RBFOX1: variants seen among roughly 807,000 people sequenced by gnomAD.
RBFOX1 encodes RNA binding protein fox-1 homolog 1.
Under a neutral mutation model 57.7 loss-of-function variants are expected in RBFOX1, and 8 were observed. The observed-to-expected ratio is 0.14, with a 90% confidence interval of 0.08 to 0.25. The LOEUF is 0.25. Among genes scored for constraint, RBFOX1 ranks in the 10% least tolerant of loss-of-function variants. The probability of loss-of-function intolerance (pLI) is 1.00; values close to 1 mark genes in which losing one functional copy is unlikely to be tolerated. For synonymous variants in RBFOX1, 326 were observed against 222.4 expected, an observed-to-expected ratio of 1.47 and a Z score of -4.15; for missense variants, 611 against 548.5, an observed-to-expected ratio of 1.11 and a Z score of -1.14.
intron 2 of RBFOX1, among the ~76,000 whole-genome samples, chr16:6,410,237 A>G (rs1355921733): frequency 6.6e-6 from 1 of 150,674 alleles, no homozygotes; most frequent in Non-Finnish European, 1.5e-5. Flanking sequence ...TACAGGTACA[A>G]GAAAATAAAT....
At chr16:6,920,847 A>G (rs2074302951) in intron 3 of RBFOX1, among the ~76,000 whole-genome samples, 2 of 152,214 alleles carry the variant, frequency 1.3e-5, no homozygotes, top group South Asian at 4.1e-4. Flanking sequence ...TAACTTAGTT[A>G]CACCACCTGC....
intron 3 of RBFOX1, among the ~76,000 whole-genome samples, chr16:5,813,009 T>A (rs1470063679): frequency 1.6e-5 from 2 of 123,702 alleles, no homozygotes; most frequent in African/African-American, 8.2e-5. Context: ...CTTTAACCAC[T>A]TTTTTTTTTT....
At chr16:5,600,723 T>G (rs1408780636), downstream of RBFOX1, among the ~76,000 whole-genome samples, 1 of 151,988 alleles carries the variant, frequency 6.6e-6, no homozygotes, top group Non-Finnish European at 1.5e-5. Flanking sequence ...ATAAACCTCA[T>G]TAATGGATCA....
At chr16:6,804,238 G>A (rs2086178012) in intron 3 of RBFOX1, among the ~76,000 whole-genome samples, 1 of 151,720 alleles carries the variant, frequency 6.6e-6, no homozygotes, top group Admixed American at 6.6e-5. Flanking sequence ...TCAAACTCCT[G>A]ACCTCTTGAT....
At chr16:5,785,551 G>C (rs956195489) in intron 3 of RBFOX1, among the ~76,000 whole-genome samples, 2 of 151,268 alleles carry the variant, frequency 1.3e-5, no homozygotes, top group Non-Finnish European at 2.9e-5. Context: ...TTTTGAGGCG[G>C]AGTTTCACTC....
At chr16:6,338,544 A>G (rs533507849) in intron 2 of RBFOX1, among the ~76,000 whole-genome samples, 3 of 152,238 alleles carry the variant, frequency 2.0e-5, no homozygotes, top group African/African-American at 7.2e-5. Flanking sequence ...ACAGTTGAGC[A>G]CTGGGACTAA....
intron 1 of RBFOX1, among the ~76,000 whole-genome samples, chr16:6,244,472 T>C (rs2097557993): frequency 6.6e-6 from 1 of 152,120 alleles, no homozygotes; most frequent in Admixed American, 6.5e-5. Context: ...TACAGTTGGG[T>C]ATCCAAGTTT....
chr16:5,250,450 G>A (rs1456056999), intron 1 of RBFOX1, among the ~76,000 whole-genome samples: 5 of 152,092 alleles, frequency 3.3e-5, no homozygotes, highest in Non-Finnish European at 5.9e-5. Context: ...AGGCCCTGGT[G>A]TATGTTGTTC....
At chr16:5,240,318 C>G (rs2062132586) in intron 1 of RBFOX1, among the ~76,000 whole-genome samples, 3 of 152,028 alleles carry the variant, frequency 2.0e-5, no homozygotes, top group African/African-American at 7.2e-5. Flanking sequence ...CTGATTCTCC[C>G]ACGACGTCCC....
chr16:5,848,836 C>T (rs941357052), intron 3 of RBFOX1, among the ~76,000 whole-genome samples: 4 of 152,074 alleles, frequency 2.6e-5, no homozygotes, highest in Admixed American at 1.3e-4. Context: ...GTAATACTAG[C>T]TCCTTGGGAG....
At position 6,596,209 on chromosome 16, in the gene RBFOX1, C is replaced by G. The variant is rs1600967436; in HGVS notation, c.-63-58394C>G. Among the ~76,000 whole-genome samples, 4 of 149,774 alleles carry G rather than the reference C, an allele frequency of 2.7e-5. No homozygotes were observed. In the Admixed American group the frequency reaches 2.7e-4, roughly 10 times the overall value. ...TTCACCCCAAGGTCACAGAGATTTA[C>G]TCCTGTTTCTTTTTTCTGGGAGTTG... is the stretch of plus-strand genomic sequence containing the variant. On this transcript the variant is annotated intron_variant, in intron 2 of 15. Transcript: ENST00000550418.
intron 2 of RBFOX1, among the ~76,000 whole-genome samples, chr16:6,500,096 C>G (rs749952736): frequency 1.1e-4 from 16 of 152,128 alleles, no homozygotes; most frequent in African/African-American, 3.1e-4. Flanking sequence ...GGTTAAAAAA[C>G]AAGTTGAAGG....
At chr16:7,471,382 T>C (rs2061529266) in intron 4 of RBFOX1, among the ~76,000 whole-genome samples, 1 of 152,172 alleles carries the variant, frequency 6.6e-6, no homozygotes, top group Non-Finnish European at 1.5e-5. Context: ...GTACATACAC[T>C]TATACATTTT....
At chr16:5,762,651 C>G (rs1039389644) in intron 3 of RBFOX1, among the ~76,000 whole-genome samples, 1 of 152,126 alleles carries the variant, frequency 6.6e-6, no homozygotes, top group Non-Finnish European at 1.5e-5. Flanking sequence ...AAGTGGTACT[C>G]ATTGCTGCAT....
At chr16:6,398,888 C>T (rs57307678) in intron 2 of RBFOX1, among the ~76,000 whole-genome samples, 54,212 of 152,142 alleles carry the variant, frequency 0.36, 9,855 homozygotes, top group East Asian at 0.55. Flanking sequence ...GGGACTCTGT[C>T]TGGGGGCTCC....
At chr16:5,590,887 T>C (rs1225307816) in intron 2 of RBFOX1, among the ~76,000 whole-genome samples, 1 of 152,170 alleles carries the variant, frequency 6.6e-6, no homozygotes, top group African/African-American at 2.4e-5. Flanking sequence ...TGCATGCTGT[T>C]TATGTTTCCT....
intron 2 of RBFOX1, among the ~76,000 whole-genome samples, chr16:6,526,829 C>CAAAAAAAAAAAAAAAAAAAAAAA (rs541468859): frequency 1.8e-4 from 6 of 32,890 alleles, no homozygotes; most frequent in African/African-American, 5.4e-4. Context: ...GACTCTGTCT[C>CAAAAAAAAAAAAAAAAAAAAAAA]AAAAAAAAAA....
At chr16:7,705,995 G>A (rs145970826) in intron 14 of RBFOX1, among the ~76,000 whole-genome samples, 6 of 152,260 alleles carry the variant, frequency 3.9e-5, no homozygotes, top group South Asian at 2.1e-4. Context: ...CATGGCGACC[G>A]TAAGACCTCT....
intron 14 of RBFOX1, among the ~76,000 whole-genome samples, chr16:7,705,760 G>C (rs7185775): frequency 0.7 from 106,899 of 152,018 alleles, 37,662 homozygotes; most frequent in East Asian, 0.82. Flanking sequence ...TTGAAAAAAT[G>C]AGACAAGATT....
Sources: gnomAD v4.1 joint callset for allele counts (sites outside exome capture counted in the v4.1 genomes callset) on GRCh38, gnomAD v4.1.1 for gene constraint, MANE v1.5 for transcripts, NCBI Gene and HGNC (gene_info 2026-07-23, HGNC 2026-07-21) for gene names.